The following ADCY4 variants were observed in gnomAD, a reference collection of about 807,000 sequenced individuals.
ADCY4 encodes adenylate cyclase 4.
In ADCY4, 111 loss-of-function variants were observed where a neutral mutation model predicts 125.5. The ratio of observed to expected loss-of-function variants is 0.88; its 90% CI spans 0.76 to 1.04. The LOEUF (loss-of-function observed/expected upper bound fraction) is 1.04. Ranked by LOEUF, ADCY4 falls within the 50% of genes least tolerant of loss-of-function variation. ADCY4 has a pLI of 0.00. For missense variants in ADCY4, 1,256 were observed against 1,382.9 expected (o/e 0.91, Z 1.46); for synonymous variants, 576 against 586.9 (o/e 0.98, Z 0.27).
chr14:24,326,043 GC>G, intron 12 of ADCY4, 35 bp downstream of exon 12: 1 of 1,570,398 alleles, frequency 6.4e-7, no homozygotes, highest in Admixed American at 1.8e-5. Context: ...TGACCTCAGG[GC>G]CTGCGGCCCC....
chr14:24,319,512 C>T lies in ADCY4; in HGVS notation c.2734-76G>A. ...CCTCTCCCAGAAGCCCAGCCCCAAGCCTTTGGAGTTAAAGGATCAGGCTGT... is the reference window on the plus strand; with the variant it reads ...CCTCTCCCAGAAGCCCAGCCCCAAGTCTTTGGAGTTAAAGGATCAGGCTGT... On this transcript the variant is annotated intron_variant, in intron 21 of 24. Transcript: ENST00000418030. The surrounding 1 kb of genome is among the most constrained non-coding windows in gnomAD (Gnocchi z 4.5). 5.4e-6 allele frequency: 8 copies of T among 1,479,078 alleles called. No homozygotes were observed. The highest frequency in any genetic ancestry group is 1.2e-5 in the South Asian group (1 of 86,486). 91.6% of individuals were successfully genotyped at this position (1,479,078 alleles called of 1,614,324 possible).
chr14:24,334,565 G>A lies in ADCY4; in HGVS notation c.88C>T (p.Leu30=). The A allele has an allele frequency of 6.3e-7, 1 of 1,581,800 alleles. No individual in the cohort carries two copies. Among genetic ancestry groups the A allele is most frequent in the Non-Finnish European group, 8.6e-7 (1 of 1,167,300 alleles). ...YYSLSQQYPL[L]LLLLGIVLCA... is the part of the protein sequence containing the mutation. The stretch of plus-strand genomic sequence containing the variant: ...AGCACGATCCCCAGCAGCAGCAGCA[G>A]CAGCGGGTACTGCTGGCTCAGGCTG... The change falls in exon 1 of 25, where the codon CTG becomes TTG. Residue 30 remains leucine (L), a synonymous_variant. Coordinates refer to ENST00000418030, the MANE Select transcript of ADCY4 (RefSeq NM_001198568.2).
intron 20 of ADCY4, among the ~76,000 whole-genome samples, chr14:24,320,954 T>G (rs1444001501): frequency 6.6e-6 from 1 of 152,152 alleles, no homozygotes; most frequent in Non-Finnish European, 1.5e-5. Context: ...CCAACCTTTT[T>G]GGACCCAAGG....
chr14:24,325,243 A>G (rs1340029115), intron 14 of ADCY4, 134 bp downstream of exon 14: 1 of 663,612 alleles, frequency 1.5e-6, no homozygotes, highest in South Asian at 1.7e-5. Context: ...TTTCCCCAGA[A>G]CACATGTTTC....
intron 24 of ADCY4, 34 bp downstream of exon 24, chr14:24,318,620 C>T (rs1594645299): frequency 1.9e-6 from 3 of 1,614,050 alleles, no homozygotes; most frequent in Non-Finnish European, 2.5e-6. Flanking sequence ...TTCTTAGTCC[C>T]CCTCCCCCTA....
Position 24,332,824 on chromosome 14 carries a change from C to A in ADCY4, c.324G>T (p.Leu108=). Residue 108 remains leucine (L), a synonymous_variant, in exon 2 of 25, where the codon CTG becomes CTT. Coordinates refer to ENST00000418030, the MANE Select transcript of ADCY4 (RefSeq NM_001198568.2). Reference sequence around the variant, plus strand: ...AGGCGCTCACCACGCCCCCGGTGAACAGGAAGGCGTGGCCTAGCGCTAGCA... The same window carrying A: ...AGGCGCTCACCACGCCCCCGGTGAAAAGGAAGGCGTGGCCTAGCGCTAGCA... The part of the protein sequence containing the change: ...VALLALGHAF[L]FTGGVVSAWD... The A allele has an allele frequency of 6.3e-7, 1 of 1,577,920 alleles. No individual in the cohort carries two copies. The highest frequency in any genetic ancestry group is 2.3e-5 in the East Asian group (1 of 43,712).
chr14:24,328,816 A>G (rs2041992782), intron 10 of ADCY4: 4 of 546,150 alleles, frequency 7.3e-6, no homozygotes, highest in South Asian at 4.6e-5. Flanking sequence ...GCTGGTCCCT[A>G]CAATGGTGTC....
rs774478186 is a variant in ADCY4, at chr14:24,319,140, C to T, written c.2914G>A (p.Val972Ile). ...TTGTTGAATGAATGCTTGTTGATGACGTCCAGCTTAGACCCCAGGGCCACG... is the reference window on the plus strand; with the variant it reads ...TTGTTGAATGAATGCTTGTTGATGATGTCCAGCTTAGACCCCAGGGCCACG... ...FAVALGSKLDVINKHSFNNFR... is the reference protein window; with the variant it reads ...FAVALGSKLDIINKHSFNNFR... The change falls in exon 23 of 25, where the codon GTC becomes ATC. Residue 972 changes from valine to isoleucine, a missense_variant. Transcript: ENST00000418030. This position sits in a 1 kb window ranked among gnomAD's most constrained non-coding sequence, Gnocchi z 4.5. The T allele has an allele frequency of 4.9e-5, 79 of 1,614,026 alleles. No homozygotes were observed. In the South Asian group the frequency reaches 5.4e-4, roughly 11 times the overall value.
In ADCY4 at chr14:24,326,061, C is replaced by G. The variant is rs1373087454; in HGVS notation, c.1655+18G>C. 1.3e-6 allele frequency: 2 copies of G among 1,569,024 alleles called. No individual in the cohort carries two copies. The highest frequency in any genetic ancestry group is 1.7e-6 in the Non-Finnish European group (2 of 1,155,394). ...CCTCAGGGCCTGCGGCCCCCCCAGCCCTCTTTGTTCTCCGTACTTCTGCGA... is the reference window on the plus strand; with the variant it reads ...CCTCAGGGCCTGCGGCCCCCCCAGCGCTCTTTGTTCTCCGTACTTCTGCGA... On this transcript the variant is annotated intron_variant, in intron 12 of 24. Transcript: ENST00000418030.
At chr14:24,323,516 C>T in intron 16 of ADCY4, 62 bp from the exon 17 acceptor site, 1 of 1,542,490 alleles carries the variant, frequency 6.5e-7, no homozygotes, top group South Asian at 1.2e-5. Context: ...GTGGCTTGTG[C>T]TGGGTTTCAG....
chr14:24,323,954 T>G, intron 16 of ADCY4, 108 bp downstream of exon 16: 1 of 1,430,264 alleles, frequency 7.0e-7, no homozygotes. Context: ...ATTTCCAGCA[T>G]CCCCTGGGCT....
chr14:24,319,484 T>A lies in ADCY4; in HGVS notation c.2734-48A>T. ...TCCCCAGTCTCTCTTACTCTCTCCA[T>A]CACCTCTCCCAGAAGCCCAGCCCCA... On this transcript the variant is annotated intron_variant, in intron 21 of 24. Transcript: ENST00000418030. This position sits in a 1 kb window ranked among gnomAD's most constrained non-coding sequence, Gnocchi z 4.5. 6.3e-7 allele frequency: 1 copy of A among 1,577,626 alleles called. No individual in the cohort carries two copies. Among genetic ancestry groups the A allele is most frequent in the Non-Finnish European group, 8.7e-7 (1 of 1,148,418 alleles).
chr14:24,327,883 G>A (rs543922146), intron 10 of ADCY4, among the ~76,000 whole-genome samples: 5 of 152,160 alleles, frequency 3.3e-5, no homozygotes, highest in Non-Finnish European at 5.9e-5. Flanking sequence ...AACAAGAATT[G>A]TTATACCAGA....
At chr14:24,328,219 G>A (rs1432153082) in intron 10 of ADCY4, among the ~76,000 whole-genome samples, 7 of 106,618 alleles carry the variant, frequency 6.6e-5, no homozygotes, top group South Asian at 3.6e-4. Context: ...TTAGCAGACC[G>A]GGAAAGCGGG....
In ADCY4 at chr14:24,332,803, G is replaced by A; in HGVS notation, c.345C>T (p.Ser115=). The A allele has an allele frequency of 6.4e-7, 1 of 1,556,632 alleles. No homozygotes were observed. Among genetic ancestry groups the A allele is most frequent in the Non-Finnish European group, 8.7e-7 (1 of 1,147,738 alleles). The stretch of plus-strand genomic sequence containing the variant: ...CCGCCCCTCTCACCTGGTCCCAGGC[G>A]CTCACCACGCCCCCGGTGAACAGGA... ...HAFLFTGGVV[S]AWDQVSYFLF... is the part of the protein sequence containing the mutation. Residue 115 remains serine (S), a synonymous_variant, in exon 2 of 25, where the codon AGC becomes AGT. Coordinates refer to ENST00000418030, the MANE Select transcript of ADCY4 (RefSeq NM_001198568.2).
At chr14:24,323,307 G>T in intron 17 of ADCY4, 37 bp downstream of exon 17, 1 of 1,519,976 alleles carries the variant, frequency 6.6e-7, no homozygotes, top group Non-Finnish European at 8.9e-7. Flanking sequence ...GAGGAAGGGT[G>T]TGCAGAAGGA....
intron 13 of ADCY4, 72 bp downstream of exon 13, chr14:24,325,746 G>T: frequency 6.5e-7 from 1 of 1,527,278 alleles, no homozygotes; most frequent in South Asian, 1.2e-5. Flanking sequence ...GGAGACCCAA[G>T]GGCTGACCCC....
At chr14:24,328,432 A>G (rs1594662558) in intron 10 of ADCY4, among the ~76,000 whole-genome samples, 2 of 152,326 alleles carry the variant, frequency 1.3e-5, no homozygotes, top group African/African-American at 4.8e-5. Flanking sequence ...CCTTCCAGAT[A>G]GCAGTAGTAA....
chr14:24,327,054 G>A (rs866072635), intron 10 of ADCY4, among the ~76,000 whole-genome samples: 1 of 151,758 alleles, frequency 6.6e-6, no homozygotes, highest in South Asian at 2.1e-4. Context: ...GCACCACCAC[G>A]CCTGGCTGAT....
Sources: allele counts gnomAD v4.1 joint callset (sites outside exome capture counted in the v4.1 genomes callset), GRCh38; gene constraint gnomAD v4.1.1; non-coding constraint Gnocchi (gnomAD v3.1); transcripts MANE v1.5; gene names NCBI Gene and HGNC (gene_info 2026-07-23, HGNC 2026-07-21).